PDE8B: variants seen among roughly 807,000 people sequenced by gnomAD.
The protein encoded by PDE8B is high affinity cAMP-specific and IBMX-insensitive 3',5'-cyclic phosphodiesterase 8B.
In PDE8B, 26 loss-of-function variants were observed where a neutral mutation model predicts 101.3. That is an observed-to-expected ratio of 0.26 (90% confidence interval 0.19 to 0.36). The LOEUF is 0.36. Among genes scored for constraint, PDE8B ranks in the 10% least tolerant of loss-of-function variants. The probability of loss-of-function intolerance (pLI) is 1.00; values close to 1 mark genes in which losing one functional copy is unlikely to be tolerated. For missense variants in PDE8B, 810 were observed against 1,163.1 expected (o/e 0.70, Z 4.42); for synonymous variants, 424 against 429.3 (o/e 0.99, Z 0.15).
chr5:77,254,053 C>T (rs1758614892), intron 1 of PDE8B, among the ~76,000 whole-genome samples: 1 of 151,934 alleles, frequency 6.6e-6, no homozygotes, highest in Admixed American at 6.6e-5. Flanking sequence ...TTGTGTGGAA[C>T]TAATAAGTAG....
intron 14 of PDE8B, among the ~76,000 whole-genome samples, chr5:77,411,474 C>A (rs771422964): frequency 3.3e-5 from 5 of 152,182 alleles, no homozygotes; most frequent in Non-Finnish European, 7.3e-5. Flanking sequence ...CAGTTCTCCA[C>A]GTTCTGGGGC....
chr5:77,338,898 A>G lies in PDE8B; in HGVS notation c.797+1583A>G, dbSNP rs574693713. Among the ~76,000 whole-genome samples, 13 of 152,330 alleles carry G rather than the reference A, an allele frequency of 8.5e-5. No individual in the cohort carries two copies. In the East Asian group the frequency reaches 2.5e-3, roughly 29 times the overall value. On this transcript the variant is annotated intron_variant, in intron 6 of 21. Transcript: ENST00000264917. ...ATAAGTGCTTCTGGTTTTTTAGGCA[A>G]CATTACATGTGATGGCATATGTTAG...
At chr5:77,118,451 C>T in the PDE8B span, 18 of 398,420 alleles carry the variant, frequency 4.5e-5, no homozygotes, top group Non-Finnish European at 7.5e-5. Context: ...CTTCAGAGTA[C>T]TCTGGGTGAG....
chr5:77,194,974 G>A, the PDE8B span, among the ~76,000 whole-genome samples: 1 of 152,210 alleles, frequency 6.6e-6, no homozygotes, highest in Non-Finnish European at 1.5e-5. Context: ...GAATTGCTGA[G>A]TCATATGGTA....
intron 1 of PDE8B, among the ~76,000 whole-genome samples, chr5:77,226,028 T>G (rs1280002803): frequency 2.0e-5 from 3 of 152,218 alleles, no homozygotes; most frequent in Non-Finnish European, 2.9e-5. Flanking sequence ...TGTTTATAAT[T>G]GTTTAAATCA....
At chr5:77,225,848 G>GAA (rs1752230366) in intron 1 of PDE8B, among the ~76,000 whole-genome samples, 1 of 144,232 alleles carries the variant, frequency 6.9e-6, no homozygotes, top group South Asian at 2.2e-4. Context: ...ACATGCGCGT[G>GAA]CACACACACA....
chr5:77,201,929 CCCT>C, the PDE8B span, among the ~76,000 whole-genome samples: 1 of 152,158 alleles, frequency 6.6e-6, no homozygotes, highest in African/African-American at 2.4e-5. Context: ...GGTGAGGCCT[CCCT>C]CCTCAACTTG....
In PDE8B at chr5:77,404,945, G is replaced by GTTTTAATTA. The variant is rs1407824682; in HGVS notation, c.1288+162_1288+170dup. 5.7e-5 allele frequency: 36 copies of GTTTTAATTA among 630,058 alleles called. No individual in the cohort carries two copies. In the African/African-American group the frequency reaches 6.3e-4, roughly 11 times the overall value. 39.0% of individuals were successfully genotyped at this position (630,058 alleles called of 1,614,324 possible). A position where few individuals can be genotyped will look rare whatever the true frequency, so the allele number is the denominator to read the frequency against. On this transcript the variant is annotated intron_variant, in intron 12 of 21. Coordinates refer to ENST00000264917, the MANE Select transcript of PDE8B (RefSeq NM_003719.5). ...TTCAATAAGCTCAAAGGTTTTAGGG[G>GTTTTAATTA]TTTTAATTATTTTAATTATTTTTAA...
intron 1 of PDE8B, among the ~76,000 whole-genome samples, chr5:77,233,699 T>TGCGC (rs1554061228): frequency 6.8e-5 from 10 of 146,886 alleles, no homozygotes; most frequent in African/African-American, 2.5e-4. Context: ...TGTGTGTGTG[T>TGCGC]GCAGTAGACT....
chr5:77,268,864 A>G (rs778291663), intron 1 of PDE8B, among the ~76,000 whole-genome samples: 12 of 150,490 alleles, frequency 8.0e-5, no homozygotes, highest in African/African-American at 2.9e-4. Flanking sequence ...TCTTTATCCA[A>G]TCATCTGTTG....
At chr5:77,213,327 C>A (rs1318844588) in intron 1 of PDE8B, among the ~76,000 whole-genome samples, 1 of 152,234 alleles carries the variant, frequency 6.6e-6, no homozygotes, top group Non-Finnish European at 1.5e-5. Flanking sequence ...CTTAACACTA[C>A]TTTGCATTGT....
chr5:77,368,732 C>T (rs2150647366), intron 10 of PDE8B, among the ~76,000 whole-genome samples: 1 of 152,194 alleles, frequency 6.6e-6, no homozygotes, highest in East Asian at 1.9e-4. Flanking sequence ...ATTAGGTTAC[C>T]AGCATCATGT....
At chr5:77,407,576 C>T in intron 13 of PDE8B, 119 bp downstream of exon 13, 1 of 751,832 alleles carries the variant, frequency 1.3e-6, no homozygotes, top group Non-Finnish European at 2.4e-6. Flanking sequence ...AAATAACAGG[C>T]AAATAAACAC....
At chr5:77,102,642 GAC>G in the PDE8B span, among the ~76,000 whole-genome samples, 1 of 152,154 alleles carries the variant, frequency 6.6e-6, no homozygotes, top group Admixed American at 6.5e-5. Flanking sequence ...CAGGGCTCCT[GAC>G]ACAGTGCCTT....
chr5:77,090,526 A>G, the PDE8B span, among the ~76,000 whole-genome samples: 3 of 152,164 alleles, frequency 2.0e-5, no homozygotes, highest in South Asian at 2.1e-4. Flanking sequence ...ACCCGCCTCA[A>G]CCTCCCAAAG....
At chr5:77,399,824 C>T (rs1163972284) in intron 10 of PDE8B, among the ~76,000 whole-genome samples, 1 of 151,258 alleles carries the variant, frequency 6.6e-6, no homozygotes, top group Non-Finnish European at 1.5e-5. Flanking sequence ...GTTTTTAACT[C>T]CTAGGCTTAA....
rs1373121501 is a variant in PDE8B, at chr5:77,211,487, C to G, written c.339+223C>G. ...GGTCCTGGAAGCGTCCTTAGCTGGT[C>G]CTGGGGGACTGGGCGGGGAAGGGAG... On this transcript the variant is annotated intron_variant, in intron 1 of 21. Transcript: ENST00000264917. This position sits in a 1 kb window ranked among gnomAD's most constrained non-coding sequence, Gnocchi z 4.1. 6.6e-6 allele frequency among the ~76,000 whole-genome samples: 1 copy of G among 152,152 alleles called. No individual in the cohort carries two copies. The highest frequency in any genetic ancestry group is 1.5e-5 in the Non-Finnish European group (1 of 68,030).
chr5:77,133,394 G>C, the PDE8B span, among the ~76,000 whole-genome samples: 201 of 152,232 alleles, frequency 1.3e-3, no homozygotes, highest in Admixed American at 2.6e-3. Context: ...GACAATAAAC[G>C]ACTGTTATTT....
Position 77,426,805 on chromosome 5 carries a change from C to G in PDE8B, c.*251C>G, listed in dbSNP as rs978418526. On this transcript the variant is annotated 3_prime_UTR_variant, in exon 22 of 22. Coordinates refer to ENST00000264917, the MANE Select transcript of PDE8B (RefSeq NM_003719.5). Reference sequence around the variant, plus strand: ...TTGGCAAACTCCTTTGCTCTGCTGTCATCCTGTGTACCCTTGTCAATCCAT... The same window carrying G: ...TTGGCAAACTCCTTTGCTCTGCTGTGATCCTGTGTACCCTTGTCAATCCAT... 1 of 445,962 alleles carries G rather than the reference C, an allele frequency of 2.2e-6. No homozygotes were observed. The highest frequency in any genetic ancestry group is 2.0e-5 in the African/African-American group (1 of 49,970). 27.6% of individuals were successfully genotyped at this position (445,962 alleles called of 1,614,324 possible). A position where few individuals can be genotyped will look rare whatever the true frequency, so the allele number is the denominator to read the frequency against.
Sources: gnomAD v4.1 joint callset for allele counts (sites outside exome capture counted in the v4.1 genomes callset) on GRCh38, gnomAD v4.1.1 for gene constraint, Gnocchi (gnomAD v3.1) non-coding constraint, MANE v1.5 for transcripts, NCBI Gene and HGNC (gene_info 2026-07-23, HGNC 2026-07-21) for gene names.